The following SLC2A2 variants were observed in gnomAD, a reference collection of about 807,000 sequenced individuals.
SLC2A2 encodes the protein solute carrier family 2 member 2, also known as solute carrier family 2, facilitated glucose transporter member 2.
Under a neutral mutation model 54.5 loss-of-function variants are expected in SLC2A2, and 36 were observed. The observed-to-expected ratio is 0.66, with a 90% confidence interval of 0.51 to 0.87. SLC2A2 has a LOEUF of 0.87. Ranked by LOEUF, SLC2A2 falls within the 40% of genes least tolerant of loss-of-function variation. The pLI is 0.00. For synonymous variants in SLC2A2, 223 were observed against 219.1 expected, an observed-to-expected ratio of 1.02 and a Z score of -0.16; for missense variants, 543 against 624.3, an observed-to-expected ratio of 0.87 and a Z score of 1.39.
rs991125556 is a variant in SLC2A2 at position 171,018,413 on chromosome 3, G to A, written c.108+118C>T. 9 of 787,904 alleles carry A rather than the reference G, an allele frequency of 1.1e-5. No homozygotes were observed. In the Admixed American group the frequency reaches 1.6e-4, roughly 14 times the overall value. The allele number at this position is 787,904 out of a possible 1,614,324, so 48.8% of individuals were successfully genotyped here. On this transcript the variant is annotated intron_variant, in intron 2 of 10. Transcript: ENST00000314251. ...GGAACAGTGCACATCGTACCTGACA[G>A]GCCAGGATGGCCTTGTGTCTCCCAC... is the stretch of plus-strand genomic sequence containing the variant.
In SLC2A2 at chr3:170,997,656, C is replaced by T; in HGVS notation, c.*247G>A. 2 of 481,078 alleles carry T rather than the reference C, an allele frequency of 4.2e-6. No individual in the cohort carries two copies. The highest frequency in any genetic ancestry group is 7.3e-6 in the Non-Finnish European group (2 of 272,306). 29.8% of individuals were successfully genotyped at this position (481,078 alleles called of 1,614,324 possible). On this transcript the variant is annotated 3_prime_UTR_variant, in exon 11 of 11. Transcript: ENST00000314251. ...AACAGAGCTAAAAATATTAGAACCA[C>T]CTGCCCTTTAGTGTAACAAAATAAA... is the stretch of plus-strand genomic sequence containing the variant.
At chr3:171,005,907 A>G in intron 6 of SLC2A2, 36 bp downstream of exon 6, 3 of 1,598,188 alleles carry the variant, frequency 1.9e-6, no homozygotes, top group Non-Finnish European at 2.6e-6. Context: ...TAATGCCAAA[A>G]CAATAGGAAG....
rs1715140336 is a variant in SLC2A2 at position 170,997,591 on chromosome 3, G to A, written c.*312C>T. On this transcript the variant is annotated 3_prime_UTR_variant, in exon 11 of 11. Coordinates refer to ENST00000314251, the MANE Select transcript of SLC2A2 (RefSeq NM_000340.2). ...TAGTTATGTGTTAAAAAAATGATAT[G>A]TTGAAATCTCTTCAATTTTAGAAGA... is the stretch of plus-strand genomic sequence containing the variant. The A allele has an allele frequency of 3.4e-6, 1 of 291,760 alleles. No homozygotes were observed. Among genetic ancestry groups the A allele is most frequent in the Non-Finnish European group, 6.4e-6 (1 of 156,922 alleles). 18.1% of individuals were successfully genotyped at this position (291,760 alleles called of 1,614,324 possible). A position where few individuals can be genotyped will look rare whatever the true frequency, so the allele number is the denominator to read the frequency against.
At chr3:171,025,453 A>G (rs752972650) in intron 1 of SLC2A2, among the ~76,000 whole-genome samples, 5 of 152,010 alleles carry the variant, frequency 3.3e-5, no homozygotes, top group Non-Finnish European at 7.4e-5. Flanking sequence ...CCTAACTCTA[A>G]AGTACTAGTA....
chr3:171,006,199 G>A (rs1263308993), intron 5 of SLC2A2, 94 bp from the exon 6 acceptor site: 4 of 1,169,464 alleles, frequency 3.4e-6, no homozygotes, highest in Non-Finnish European at 4.9e-6. Flanking sequence ...CTATTTAATA[G>A]TAGTCTCTGA....
At chr3:171,015,243 C>A (rs993891108) in intron 2 of SLC2A2, among the ~76,000 whole-genome samples, 2 of 152,064 alleles carry the variant, frequency 1.3e-5, no homozygotes, top group Admixed American at 1.3e-4. Context: ...CCGAGGTGGG[C>A]GGACTGCTTG....
At position 170,996,611 on chromosome 3, in the gene SLC2A2, A is replaced by C. The variant is rs945207412; in HGVS notation, c.*1292T>G. On this transcript the variant is annotated 3_prime_UTR_variant, in exon 11 of 11. Transcript: ENST00000314251. ...AGAACTATATTTCCATAATTGTAAA[A>C]TTGACTGTAAGCTAAAGTCTGTTTA... The C allele has an allele frequency of 2.5e-6, 1 of 397,892 alleles. No individual in the cohort carries two copies. The highest frequency in any genetic ancestry group is 4.4e-5 in the Admixed American group (1 of 22,684). 24.6% of individuals were successfully genotyped at this position (397,892 alleles called of 1,614,324 possible). A position where few individuals can be genotyped will look rare whatever the true frequency, so the allele number is the denominator to read the frequency against.
Position 170,998,113 on chromosome 3 carries a change from A to C in SLC2A2, c.1375-10T>G. 6.2e-7 allele frequency: 1 copy of C among 1,613,588 alleles called. No individual in the cohort carries two copies. Among genetic ancestry groups the C allele is most frequent in the Non-Finnish European group, 8.5e-7 (1 of 1,179,726 alleles). ...AAGGTCCACAGAAGTCCTGGATAGAAAGCAAACACAGACTTTGAGTTAGCA... is the reference window on the plus strand; with the variant it reads ...AAGGTCCACAGAAGTCCTGGATAGACAGCAAACACAGACTTTGAGTTAGCA... On this transcript the variant is annotated splice_polypyrimidine_tract_variant and intron_variant, in intron 10 of 10. Coordinates refer to ENST00000314251, the MANE Select transcript of SLC2A2 (RefSeq NM_000340.2).
Position 171,007,185 on chromosome 3 carries a change from T to C in SLC2A2, c.575A>G (p.His192Arg). The C allele has an allele frequency of 1.9e-6, 3 of 1,612,732 alleles. No individual in the cohort carries two copies. Among genetic ancestry groups the C allele is most frequent in the Non-Finnish European group, 2.5e-6 (3 of 1,179,108 alleles). The stretch of plus-strand genomic sequence containing the variant: ...AATGCCCGTGACGATGGCCAGCTGA[T>C]GAAAAGTGCCAAGTGCTCCCCTGAG... Reference protein sequence around the residue: ...TALRGALGTFHQLAIVTGILI... With the variant: ...TALRGALGTFRQLAIVTGILI... Residue 192 changes from histidine (H) to arginine (R), a missense_variant, in exon 5 of 11, where the codon CAT becomes CGT. By Grantham distance (29) the His-to-Arg change is conservative. Coordinates refer to ENST00000314251, the MANE Select transcript of SLC2A2 (RefSeq NM_000340.2).
rs1380054283 is a variant in SLC2A2 at position 170,999,154 on chromosome 3, C to G, written c.1081G>C (p.Glu361Gln). The G allele has an allele frequency of 3.7e-6, 6 of 1,606,922 alleles. No individual in the cohort carries two copies. Among genetic ancestry groups the G allele is most frequent in the African/African-American group, 1.3e-5 (1 of 74,712 alleles). The change falls in exon 9 of 11, where the codon GAG becomes CAG. Residue 361 changes from glutamate to glutamine, a missense_variant. Around this residue, in one of 3 missense-constraint regions of SLC2A2, gnomAD observed 117 missense variants for 179.2 expected, o/e 0.65. Coordinates refer to ENST00000314251, the MANE Select transcript of SLC2A2 (RefSeq NM_000340.2). Reference protein sequence around the residue: ...VFTAVSVFLVEKAGRRSLFLI... With the variant: ...VFTAVSVFLVQKAGRRSLFLI... ...AAGAGAGAACGTCGCCCTGCCTTCT[C>G]CACAAGGAATACCTAGGACAATTTT...
intron 4 of SLC2A2, among the ~76,000 whole-genome samples, chr3:171,008,881 C>A (rs1715741637): frequency 6.6e-6 from 1 of 151,958 alleles, no homozygotes. Flanking sequence ...TTTTTATTAA[C>A]AATGAAAATA....
intron 4 of SLC2A2, among the ~76,000 whole-genome samples, chr3:171,009,659 A>C (rs1297943001): frequency 6.6e-6 from 1 of 152,086 alleles, no homozygotes; most frequent in East Asian, 1.9e-4. Context: ...ATTATTATCC[A>C]CTTCATTTAA....
Position 170,997,786 on chromosome 3 carries a change from C to A in SLC2A2, c.*117G>T. 1 of 836,294 alleles carries A rather than the reference C, an allele frequency of 1.2e-6. No individual in the cohort carries two copies. The allele number at this position is 836,294 out of a possible 1,614,324, so 51.8% of individuals were successfully genotyped here. A position where few individuals can be genotyped will look rare whatever the true frequency, so the allele number is the denominator to read the frequency against. ...TATTTGATGACATTTCTGATGAGAG[C>A]ACATAAAAATAAAACAATACTTAAA... is the stretch of plus-strand genomic sequence containing the variant. On this transcript the variant is annotated 3_prime_UTR_variant, in exon 11 of 11. Coordinates refer to ENST00000314251, the MANE Select transcript of SLC2A2 (RefSeq NM_000340.2).
chr3:171,017,933 A>C (rs778310660), intron 2 of SLC2A2, among the ~76,000 whole-genome samples: 12 of 152,220 alleles, frequency 7.9e-5, no homozygotes, highest in Non-Finnish European at 1.3e-4. Context: ...CTTGAATATT[A>C]TTCTAAAGTT....
At chr3:171,013,050 T>C (rs751783023) in intron 3 of SLC2A2, among the ~76,000 whole-genome samples, 8 of 152,200 alleles carry the variant, frequency 5.3e-5, no homozygotes, top group Non-Finnish European at 1.2e-4. Flanking sequence ...AGGGTTTACA[T>C]TTTTTCTTCA....
In SLC2A2 at chr3:171,005,970, A is replaced by G. The variant is rs757903233; in HGVS notation, c.748T>C (p.Leu250=). 14 of 1,612,394 alleles carry G rather than the reference A, an allele frequency of 8.7e-6. No individual in the cohort carries two copies. In the African/African-American group the frequency reaches 1.7e-4, roughly 20 times the overall value. ...TGTTTTGCTTTGACTTCCTCATCTAACTTGATGTAAAGGTATCTGGGGCTT... is the reference window on the plus strand; with the variant it reads ...TGTTTTGCTTTGACTTCCTCATCTAGCTTGATGTAAAGGTATCTGGGGCTT... The part of the protein sequence containing the change: ...PESPRYLYIK[L]DEEVKAKQSL... Residue 250 remains leucine, a synonymous_variant, in exon 6 of 11, where the codon TTA becomes CTA. Coordinates refer to ENST00000314251, the MANE Select transcript of SLC2A2 (RefSeq NM_000340.2).
At chr3:171,019,789 AGTTT>A (rs925058922) in intron 1 of SLC2A2, among the ~76,000 whole-genome samples, 14 of 152,352 alleles carry the variant, frequency 9.2e-5, no homozygotes, top group African/African-American at 2.2e-4. Flanking sequence ...CTTAAACATG[AGTTT>A]GTTTGATTTA....
At chr3:171,011,221 C>G (rs895092905) in intron 3 of SLC2A2, among the ~76,000 whole-genome samples, 2 of 152,216 alleles carry the variant, frequency 1.3e-5, no homozygotes, top group Non-Finnish European at 2.9e-5. Context: ...GTAAATGTTA[C>G]GTCACATAGC....
At chr3:171,018,373 C>T (rs1027352415) in intron 2 of SLC2A2, among the ~76,000 whole-genome samples, 158 bp downstream of exon 2, 9 of 152,048 alleles carry the variant, frequency 5.9e-5, no homozygotes, top group Admixed American at 5.2e-4. Flanking sequence ...GAGTCAAGGC[C>T]AAGTTATCAG....
Sources: allele counts gnomAD v4.1 joint callset (sites outside exome capture counted in the v4.1 genomes callset), GRCh38; gene constraint gnomAD v4.1.1; regional missense constraint gnomAD v4.1.1; transcripts MANE v1.5; gene names NCBI Gene and HGNC (gene_info 2026-07-23, HGNC 2026-07-21).